Variants in ATP6V1B2 observed in about 807,000 individuals in gnomAD.
ATP6V1B2 encodes V-type proton ATPase subunit B, brain isoform.
ATP6V1B2 carries 23 observed loss-of-function variants against 66.7 expected under a neutral mutation model. The observed-to-expected ratio is 0.34, with a 90% CI of 0.25 to 0.49. The LOEUF is 0.49. Among genes scored for constraint, ATP6V1B2 ranks in the 20% least tolerant of loss-of-function variants. ATP6V1B2 has a pLI of 0.99. For missense variants in ATP6V1B2, 478 were observed against 650.8 expected, an observed-to-expected ratio of 0.73 and a Z score of 2.89; for synonymous variants, 278 against 236.7, an observed-to-expected ratio of 1.17 and a Z score of -1.60.
intron 8 of ATP6V1B2, 32 bp downstream of exon 8, chr8:20,212,231 C>T (rs762235475): frequency 1.3e-6 from 2 of 1,594,296 alleles, no homozygotes; most frequent in Admixed American, 3.3e-5. Context: ...TTCTGTGGCC[C>T]AGACTCGGGA....
intron 5 of ATP6V1B2, 82 bp downstream of exon 5, chr8:20,210,728 T>G: frequency 8.3e-7 from 1 of 1,205,058 alleles, no homozygotes; most frequent in South Asian, 1.2e-5. Flanking sequence ...GAGAGTGTTT[T>G]TTGTGATATC....
chr8:20,200,075 T>G (rs2072669919), intron 1 of ATP6V1B2, among the ~76,000 whole-genome samples: 1 of 152,010 alleles, frequency 6.6e-6, no homozygotes, highest in African/African-American at 2.4e-5. Context: ...TGAGCTCAGG[T>G]CACTGCAACC....
chr8:20,208,858 C>A (rs1009229390), intron 2 of ATP6V1B2, among the ~76,000 whole-genome samples: 2 of 151,940 alleles, frequency 1.3e-5, no homozygotes, highest in African/African-American at 4.8e-5. Context: ...GCCTGTGCCA[C>A]CATGCCTGGC....
intron 11 of ATP6V1B2, 59 bp from the exon 12 acceptor site, chr8:20,217,161 C>T: frequency 7.4e-7 from 1 of 1,353,200 alleles, no homozygotes; most frequent in Non-Finnish European, 1.1e-6. Context: ...TTTTTATTAC[C>T]AGTAAAACTT....
intron 2 of ATP6V1B2, among the ~76,000 whole-genome samples, chr8:20,206,669 C>T (rs1211228669): frequency 6.6e-6 from 1 of 152,144 alleles, no homozygotes; most frequent in Admixed American, 6.5e-5. Context: ...CTTCCTGACA[C>T]ATGGATGCAT....
Position 20,211,837 on chromosome 8 carries a change from T to C in ATP6V1B2, c.705+84T>C, listed in dbSNP as rs372607416. 2.4e-5 allele frequency: 27 copies of C among 1,136,774 alleles called. No homozygotes were observed. In the East Asian group the frequency reaches 4.7e-4, roughly 20 times the overall value. The allele number at this position is 1,136,774 out of a possible 1,614,324, so 70.4% of individuals were successfully genotyped here. ...TTGTAGTAAGCTGTACATATATAGT[T>C]GAATTTTTCTTTAGGTAAAGAATTT... On this transcript the variant is annotated intron_variant, in intron 7 of 13. Coordinates refer to ENST00000276390, the MANE Select transcript of ATP6V1B2 (RefSeq NM_001693.4).
rs776055441 is a variant in ATP6V1B2 at position 20,197,431 on chromosome 8, A to T, written c.25A>T (p.Ile9Phe). 1.9e-6 allele frequency: 3 copies of T among 1,544,290 alleles called. No homozygotes were observed. The highest frequency in any genetic ancestry group is 2.8e-5 in the African/African-American group (2 of 70,222). The change falls in exon 1 of 14, where the codon ATT (isoleucine) becomes TTT (phenylalanine). Residue 9 changes from isoleucine (I) to phenylalanine (F), a missense_variant. Ile to Phe is a conservative substitution (Grantham distance 21, BLOSUM62 0). Transcript: ENST00000276390. Reference protein sequence around the residue: MALRAMRGIVNGAAPELPV... With the variant: MALRAMRGFVNGAAPELPV... ...GATGGCGCTGCGGGCGATGCGGGGG[A>T]TTGTCAACGGGGCCGCACCCGAGCT...
At chr8:20,216,236 A>G (rs1286315733) in intron 10 of ATP6V1B2, 177 bp from the exon 11 acceptor site, 2 of 542,830 alleles carry the variant, frequency 3.7e-6, no homozygotes, top group Non-Finnish European at 6.6e-6. Flanking sequence ...ACCGTACTGC[A>G]CAGCACAGAC....
intron 2 of ATP6V1B2, among the ~76,000 whole-genome samples, chr8:20,209,119 T>C (rs1451951927): frequency 1.3e-5 from 2 of 152,210 alleles, no homozygotes; most frequent in African/African-American, 4.8e-5. Context: ...AACATGTTTA[T>C]CTGTACTTTT....
chr8:20,202,927 A>G (rs2072701695), intron 1 of ATP6V1B2, among the ~76,000 whole-genome samples: 1 of 152,204 alleles, frequency 6.6e-6, no homozygotes, highest in Non-Finnish European at 1.5e-5. Flanking sequence ...AATGTAGCTC[A>G]CTTTCCATTT....
intron 1 of ATP6V1B2, chr8:20,203,927 A>T (rs1202643091): frequency 2.7e-5 from 12 of 450,520 alleles, no homozygotes; most frequent in Non-Finnish European, 5.3e-5. Flanking sequence ...AGTTTTTATG[A>T]CACCATTTAA....
In ATP6V1B2 at chr8:20,209,471, G is replaced by A. The variant is rs754619804; in HGVS notation, c.231G>A (p.Pro77=). 1.6e-5 allele frequency: 26 copies of A among 1,613,794 alleles called. No homozygotes were observed. The highest frequency in any genetic ancestry group is 5.3e-5 in the African/African-American group (4 of 74,858). The change falls in exon 3 of 14, where the codon CCG becomes CCA. Residue 77 remains proline (P), a synonymous_variant. Transcript: ENST00000276390. ...RYAEIVHLTL[P]DGTKRSGQVL... is the part of the protein sequence containing the mutation. ...CTGAAATTGTCCATTTGACCTTACC[G>A]GATGGCACAAAGAGAAGTGGGCAAG...
Position 20,210,341 on chromosome 8 carries a change from G to A in ATP6V1B2, c.292-5G>A. On this transcript the variant is annotated splice_region_variant and splice_polypyrimidine_tract_variant and intron_variant, in intron 3 of 13. Transcript: ENST00000276390. ...ACCCTTCTCATTAATTCTTTTTCTTGATAGGTATTTGAAGGGACTTCAGGT... is the reference window on the plus strand; with the variant it reads ...ACCCTTCTCATTAATTCTTTTTCTTAATAGGTATTTGAAGGGACTTCAGGT... The A allele has an allele frequency of 1.9e-6, 3 of 1,606,514 alleles. No homozygotes were observed. The highest frequency in any genetic ancestry group is 3.4e-5 in the Admixed American group (2 of 59,378).
chr8:20,217,254 C>G lies in ATP6V1B2; in HGVS notation c.1196C>G (p.Ser399Ter). Residue 399 changes from serine to a stop codon, truncating the protein, a stop_gained, in exon 12 of 14, where the codon TCA becomes TGA. Coordinates refer to ENST00000276390, the MANE Select transcript of ATP6V1B2 (RefSeq NM_001693.4). LOFTEE classifies it high-confidence loss of function. ...YPPINVLPSL[S>*]RLMKSAIGEG... is the part of the protein sequence containing the mutation. ...CCTATCAATGTGCTGCCCTCACTAT[C>G]ACGGTTAATGAAGTCTGCTATTGGA... is the stretch of plus-strand genomic sequence containing the variant. 1 of 1,613,342 alleles carries G rather than the reference C, an allele frequency of 6.2e-7. No individual in the cohort carries two copies. The highest frequency in any genetic ancestry group is 8.5e-7 in the Non-Finnish European group (1 of 1,179,442).
At chr8:20,208,097 G>C (rs1198518585) in intron 2 of ATP6V1B2, among the ~76,000 whole-genome samples, 1 of 152,174 alleles carries the variant, frequency 6.6e-6, no homozygotes, top group East Asian at 1.9e-4. Flanking sequence ...TATATAGCTA[G>C]GGAGAGTGTA....
chr8:20,212,842 A>G lies in ATP6V1B2; in HGVS notation c.864A>G (p.Gln288=). 1.9e-6 allele frequency: 3 copies of G among 1,613,816 alleles called. No individual in the cohort carries two copies. The highest frequency in any genetic ancestry group is 1.3e-5 in the African/African-American group (1 of 75,008). The part of the protein sequence containing the change: ...ALTTAEFLAY[Q]CEKHVLVILT... ...CCACAGCTGAATTTCTGGCGTACCAATGTGAGAAACATGTATTGGTTATTC... is the reference window on the plus strand; with the variant it reads ...CCACAGCTGAATTTCTGGCGTACCAGTGTGAGAAACATGTATTGGTTATTC... Residue 288 remains glutamine (Q), a synonymous_variant, in exon 9 of 14, where the codon CAA becomes CAG. Transcript: ENST00000276390.
intron 7 of ATP6V1B2, 120 bp from the exon 8 acceptor site, chr8:20,211,981 AT>A: frequency 2.1e-6 from 2 of 956,476 alleles, no homozygotes; most frequent in Non-Finnish European, 3.1e-6. Flanking sequence ...TTTTGTGAAG[AT>A]TTTTGGGGTA....
intron 1 of ATP6V1B2, among the ~76,000 whole-genome samples, chr8:20,203,158 T>C (rs1224020226): frequency 6.6e-6 from 1 of 152,152 alleles, no homozygotes; most frequent in Non-Finnish European, 1.5e-5. Flanking sequence ...TGACCATCCA[T>C]CCAAGTAGCT....
At chr8:20,216,768 T>C (rs2072858354) in intron 11 of ATP6V1B2, 1 of 312,818 alleles carries the variant, frequency 3.2e-6, no homozygotes, top group Non-Finnish European at 5.9e-6. Context: ...TCCATAATGG[T>C]ATCATCTACC....
Sources: allele counts gnomAD v4.1 joint callset (sites outside exome capture counted in the v4.1 genomes callset), GRCh38; gene constraint gnomAD v4.1.1; transcripts MANE v1.5; gene names NCBI Gene and HGNC (gene_info 2026-07-23, HGNC 2026-07-21).